KCNJ6: variants seen among roughly 807,000 people sequenced by gnomAD.
The protein encoded by KCNJ6 is potassium inwardly rectifying channel subfamily J member 6.
A neutral mutation model predicts 34.2 loss-of-function variants in KCNJ6; 9 were observed. The observed-to-expected ratio is 0.26, with a 90% CI of 0.16 to 0.46. The LOEUF (loss-of-function observed/expected upper bound fraction) is 0.46. KCNJ6 is among the 20% of genes least tolerant of loss of function. KCNJ6 has a pLI of 1.00. For synonymous variants in KCNJ6, 196 were observed against 207.1 expected (o/e 0.95, Z 0.46); for missense variants, 236 against 531.3 (o/e 0.44, Z 5.46).
At chr21:37,636,401 T>C (rs1314811798) in intron 3 of KCNJ6, among the ~76,000 whole-genome samples, 1 of 152,252 alleles carries the variant, frequency 6.6e-6, no homozygotes, top group Non-Finnish European at 1.5e-5. Context: ...CCAAAGGGTG[T>C]GTAGGAGTGT....
chr21:37,786,745 G>C (rs2055194488), intron 2 of KCNJ6, among the ~76,000 whole-genome samples: 1 of 152,166 alleles, frequency 6.6e-6, no homozygotes, highest in Admixed American at 6.6e-5. Flanking sequence ...CATGGCCCTA[G>C]ACATCTTATC....
intron 3 of KCNJ6, among the ~76,000 whole-genome samples, chr21:37,658,353 G>A (rs191352449): frequency 1.3e-5 from 2 of 152,302 alleles, no homozygotes; most frequent in Admixed American, 1.3e-4. Flanking sequence ...CCCACGTGGG[G>A]GAATTTCTCT....
Position 37,735,499 on chromosome 21 carries a change from A to C in KCNJ6, c.26-20368T>G, listed in dbSNP as rs148544914. The stretch of plus-strand genomic sequence containing the variant: ...TGTGTTCTGCATTTATCCCTCCTCC[A>C]GCCCTTCTCACTGAAGCTCTCAGCT... On this transcript the variant is annotated intron_variant, in intron 2 of 3. Transcript: ENST00000609713. Among the ~76,000 whole-genome samples, 254 of 152,256 alleles carry C rather than the reference A, an allele frequency of 1.7e-3. 1 individual carries two copies. Among genetic ancestry groups the C allele is most frequent in the Non-Finnish European group, 1.8e-3 (124 of 68,006 alleles).
intron 1 of KCNJ6, among the ~76,000 whole-genome samples, chr21:37,845,529 G>A (rs1360592720): frequency 6.6e-6 from 1 of 152,120 alleles, no homozygotes; most frequent in Non-Finnish European, 1.5e-5. Context: ...TGTGAAGTGG[G>A]GATAGGTGGA....
At chr21:37,728,706 A>G (rs920512731) in intron 2 of KCNJ6, among the ~76,000 whole-genome samples, 1 of 151,704 alleles carries the variant, frequency 6.6e-6, no homozygotes, top group African/African-American at 2.4e-5. Context: ...GTGTATATAT[A>G]TATATGTTTG....
chr21:37,679,197 GCAGCCC>G (rs1236907373), intron 3 of KCNJ6, among the ~76,000 whole-genome samples: 2 of 152,194 alleles, frequency 1.3e-5, no homozygotes, highest in Admixed American at 6.5e-5. Context: ...TCAGATGACT[GCAGCCC>G]CAGCCAACAT....
At chr21:37,882,716 GTGCATT>G (rs1487388839) in intron 1 of KCNJ6, among the ~76,000 whole-genome samples, 1 of 152,240 alleles carries the variant, frequency 6.6e-6, no homozygotes, top group East Asian at 1.9e-4. Flanking sequence ...GGCACTTTTA[GTGCATT>G]TGCCATGCCC....
chr21:37,661,571 T>C (rs1360721512), intron 3 of KCNJ6, among the ~76,000 whole-genome samples: 1 of 144,746 alleles, frequency 6.9e-6, no homozygotes, highest in East Asian at 2.1e-4. Flanking sequence ...TATAGCTACA[T>C]GTAAAAAAAT....
chr21:37,899,222 A>T (rs1338241898), intron 1 of KCNJ6, among the ~76,000 whole-genome samples: 1 of 152,048 alleles, frequency 6.6e-6, no homozygotes, highest in Non-Finnish European at 1.5e-5. Context: ...AGAGGAAGAG[A>T]TTTTTGTCTT....
At chr21:37,769,387 C>T (rs1405436735) in intron 2 of KCNJ6, among the ~76,000 whole-genome samples, 1 of 150,594 alleles carries the variant, frequency 6.6e-6, no homozygotes, top group Non-Finnish European at 1.5e-5. Flanking sequence ...TAAGTAAGAC[C>T]TGATCTGGTC....
intron 2 of KCNJ6, among the ~76,000 whole-genome samples, chr21:37,757,712 G>A (rs1487528565): frequency 6.6e-6 from 1 of 151,890 alleles, no homozygotes; most frequent in African/African-American, 2.4e-5. Flanking sequence ...CCAGCCCGGA[G>A]TGAGCACTCC....
chr21:37,868,295 G>A (rs568345434), intron 1 of KCNJ6, among the ~76,000 whole-genome samples: 4 of 152,194 alleles, frequency 2.6e-5, no homozygotes, highest in African/African-American at 4.8e-5. Context: ...TGAGATCTGC[G>A]ATTACAGAGA....
chr21:37,882,896 CGTGA>C (rs1399292279), intron 1 of KCNJ6, among the ~76,000 whole-genome samples: 3 of 152,112 alleles, frequency 2.0e-5, no homozygotes, highest in Admixed American at 1.3e-4. Flanking sequence ...CTTGTGTGTG[CGTGA>C]GTGTGTTGTG....
At chr21:37,687,390 A>G (rs572960226) in intron 3 of KCNJ6, among the ~76,000 whole-genome samples, 1 of 152,134 alleles carries the variant, frequency 6.6e-6, no homozygotes, top group East Asian at 1.9e-4. Context: ...CTTTCTTCAC[A>G]AGCAGACGGC....
At chr21:37,726,362 C>A (rs1249520588) in intron 2 of KCNJ6, among the ~76,000 whole-genome samples, 1 of 152,178 alleles carries the variant, frequency 6.6e-6, no homozygotes, top group Non-Finnish European at 1.5e-5. Flanking sequence ...TCAGAAGGTA[C>A]ATTCCAGGAG....
At chr21:37,844,816 T>C (rs2055498336) in intron 1 of KCNJ6, among the ~76,000 whole-genome samples, 1 of 152,176 alleles carries the variant, frequency 6.6e-6, no homozygotes, top group African/African-American at 2.4e-5. Flanking sequence ...GGTTTGTTTG[T>C]GCACAAATGC....
intron 2 of KCNJ6, among the ~76,000 whole-genome samples, chr21:37,792,768 G>A (rs535671074): frequency 1.8e-4 from 28 of 152,306 alleles, no homozygotes; most frequent in African/African-American, 4.3e-4. Flanking sequence ...ATCAAGGGGC[G>A]TTTTCCAGTA....
chr21:37,645,391 A>G (rs1465042683), intron 3 of KCNJ6, among the ~76,000 whole-genome samples: 1 of 152,096 alleles, frequency 6.6e-6, no homozygotes, highest in African/African-American at 2.4e-5. Context: ...AAAACAAATA[A>G]ACAAAAAAAC....
chr21:37,914,045 G>GTGTGTGTGTGTGTGTGTGTC (rs2055881290), intron 1 of KCNJ6, among the ~76,000 whole-genome samples: 1 of 150,236 alleles, frequency 6.7e-6, no homozygotes. Context: ...GTGTGTGTGT[G>GTGTGTGTGTGTGTGTGTGTC]TGTGTCTGTG....
Sources: allele counts gnomAD v4.1 joint callset (sites outside exome capture counted in the v4.1 genomes callset), GRCh38; gene constraint gnomAD v4.1.1; transcripts MANE v1.5; gene names NCBI Gene and HGNC (gene_info 2026-07-23, HGNC 2026-07-21).